The following UST variants were observed in gnomAD, a reference collection of about 807,000 sequenced individuals.
UST encodes the protein chondroitin sulfate 2-O-sulfotransferase.
In UST, 21 loss-of-function variants were observed where a neutral mutation model predicts 45.6. That is an observed-to-expected ratio of 0.46 (90% CI 0.33 to 0.66). The LOEUF is 0.66. Among genes scored for constraint, UST ranks in the 30% least tolerant of loss-of-function variants. UST has a pLI of 0.02. For synonymous variants in UST, 215 were observed against 200.6 expected (o/e 1.07, Z -0.61); for missense variants, 463 against 512.4 (o/e 0.90, Z 0.93).
Position 149,016,466 on chromosome 6 carries a change from T to G in UST, c.682-2673T>G, listed in dbSNP as rs138415566. Among the ~76,000 whole-genome samples, 246 of 152,322 alleles carry G rather than the reference T, an allele frequency of 1.6e-3. 2 individuals carry two copies. Among genetic ancestry groups the G allele is most frequent in the African/African-American group, 5.6e-3 (231 of 41,574 alleles). On this transcript the variant is annotated intron_variant, in intron 5 of 7. Transcript: ENST00000367463. ...TTTCTTGCTCTGGAGCAGTGTGCCT[T>G]GTCTCTCTCCTTCTGCCATTTATTC...
At chr6:148,898,365 A>G (rs1031216953) in intron 2 of UST, among the ~76,000 whole-genome samples, 1 of 152,230 alleles carries the variant, frequency 6.6e-6, no homozygotes, top group African/African-American at 2.4e-5. Flanking sequence ...TTAATAGCTT[A>G]TAAGGTAAAA....
At chr6:148,853,388 T>G (rs1778143657) in intron 1 of UST, among the ~76,000 whole-genome samples, 4 of 152,330 alleles carry the variant, frequency 2.6e-5, no homozygotes, top group Admixed American at 2.6e-4. Context: ...TGATTCCATG[T>G]CTTTGCTATT....
chr6:149,000,934 T>C (rs1781537318), intron 5 of UST, among the ~76,000 whole-genome samples: 1 of 151,948 alleles, frequency 6.6e-6, no homozygotes, highest in Non-Finnish European at 1.5e-5. Flanking sequence ...GATAGAGCAG[T>C]TAAGAGACAT....
intron 5 of UST, among the ~76,000 whole-genome samples, chr6:149,006,234 C>T (rs562594935): frequency 6.6e-6 from 1 of 152,176 alleles, no homozygotes; most frequent in Non-Finnish European, 1.5e-5. Flanking sequence ...TCTTGATGCT[C>T]TCCCTCCCCC....
chr6:148,951,716 T>G (rs1013384005), intron 3 of UST, among the ~76,000 whole-genome samples: 15 of 152,220 alleles, frequency 9.9e-5, no homozygotes, highest in African/African-American at 3.6e-4. Flanking sequence ...GTCTTAGAAT[T>G]TGTGAAGATC....
chr6:148,828,158 A>G (rs1309730318), intron 1 of UST, among the ~76,000 whole-genome samples: 2 of 152,056 alleles, frequency 1.3e-5, no homozygotes, highest in Non-Finnish European at 2.9e-5. Flanking sequence ...AGGATATATG[A>G]CGTCTGTCAA....
intron 2 of UST, among the ~76,000 whole-genome samples, chr6:148,896,722 C>A (rs1313905052): frequency 6.6e-6 from 1 of 152,078 alleles, no homozygotes; most frequent in Non-Finnish European, 1.5e-5. Flanking sequence ...ACTCACCCAC[C>A]CCTTAGGCTG....
intron 2 of UST, among the ~76,000 whole-genome samples, chr6:148,912,825 C>G (rs1311956592): frequency 6.6e-6 from 1 of 152,204 alleles, no homozygotes; most frequent in Admixed American, 6.5e-5. Context: ...AACAAGGTGG[C>G]TGTTTCACAA....
chr6:148,870,409 G>A (rs1778527826), intron 1 of UST, among the ~76,000 whole-genome samples: 1 of 152,198 alleles, frequency 6.6e-6, no homozygotes, highest in Non-Finnish European at 1.5e-5. Flanking sequence ...GCATCTTTGT[G>A]AGGACTTCCA....
chr6:148,756,287 T>C (rs1776098010), intron 1 of UST, among the ~76,000 whole-genome samples: 1 of 152,134 alleles, frequency 6.6e-6, no homozygotes, highest in African/African-American at 2.4e-5. Context: ...AAGGATGTGT[T>C]TGCATCCCCT....
intron 2 of UST, among the ~76,000 whole-genome samples, chr6:148,921,484 G>T (rs754783217): frequency 6.6e-6 from 1 of 152,186 alleles, no homozygotes; most frequent in Non-Finnish European, 1.5e-5. Flanking sequence ...CATTCCATCC[G>T]TATGGGGAGA....
intron 1 of UST, among the ~76,000 whole-genome samples, chr6:148,756,609 T>G (rs1776103773): frequency 6.6e-6 from 1 of 152,254 alleles, no homozygotes; most frequent in Non-Finnish European, 1.5e-5. Context: ...ACTGATTGTT[T>G]AGGAAGGTAC....
At chr6:148,943,494 T>C (rs1026717654) in intron 3 of UST, among the ~76,000 whole-genome samples, 6 of 152,314 alleles carry the variant, frequency 3.9e-5, no homozygotes, top group Admixed American at 2.0e-4. Flanking sequence ...AATGGAATAA[T>C]TTAGAATAAA....
chr6:148,922,055 A>AG (rs1370317420), intron 2 of UST, among the ~76,000 whole-genome samples: 5 of 152,238 alleles, frequency 3.3e-5, no homozygotes, highest in Non-Finnish European at 7.3e-5. Context: ...ATGGTGGGGA[A>AG]GAGAGATAAA....
At position 148,747,690 on chromosome 6, in the gene UST, G is replaced by C. The variant is rs1351664193; in HGVS notation, c.247+13G>C. Reference sequence around the variant, plus strand: ...CGGCAGTACTTGGGTAAGGAAGCTGGGCAGGCGCTAGGGCGGCGCCGACAG... The same window carrying C: ...CGGCAGTACTTGGGTAAGGAAGCTGCGCAGGCGCTAGGGCGGCGCCGACAG... On this transcript the variant is annotated intron_variant, in intron 1 of 7. Coordinates refer to ENST00000367463, the MANE Select transcript of UST (RefSeq NM_005715.3). 2 of 1,584,822 alleles carry C rather than the reference G, an allele frequency of 1.3e-6. No homozygotes were observed. The highest frequency in any genetic ancestry group is 1.1e-5 in the South Asian group (1 of 87,664).
At chr6:149,044,982 G>T (rs1363063099) in intron 7 of UST, among the ~76,000 whole-genome samples, 1 of 152,218 alleles carries the variant, frequency 6.6e-6, no homozygotes, top group African/African-American at 2.4e-5. Flanking sequence ...ACACATTGCT[G>T]AAACAATCAA....
At chr6:148,856,945 G>T (rs1778216362) in intron 1 of UST, among the ~76,000 whole-genome samples, 1 of 148,962 alleles carries the variant, frequency 6.7e-6, no homozygotes, top group African/African-American at 2.5e-5. Context: ...AGAGCTTTGT[G>T]ATATATATAT....
chr6:149,049,722 G>A (rs920051599), intron 7 of UST, among the ~76,000 whole-genome samples: 8 of 152,128 alleles, frequency 5.3e-5, no homozygotes, highest in African/African-American at 1.4e-4. Flanking sequence ...TGAAAATGGG[G>A]CAAGTAAAGA....
chr6:148,994,686 A>G (rs770599940), intron 5 of UST, among the ~76,000 whole-genome samples: 1 of 152,152 alleles, frequency 6.6e-6, no homozygotes, highest in Non-Finnish European at 1.5e-5. Context: ...TTACAGTCCT[A>G]CTTTGTTTCC....
Sources: allele counts gnomAD v4.1 joint callset (sites outside exome capture counted in the v4.1 genomes callset), GRCh38; gene constraint gnomAD v4.1.1; transcripts MANE v1.5; gene names NCBI Gene and HGNC (gene_info 2026-07-23, HGNC 2026-07-21).